The following GPHN variants were observed in gnomAD, a reference collection of about 807,000 sequenced individuals.
GPHN encodes the protein gephyrin.
GPHN carries 17 observed loss-of-function variants against 95.5 expected under a neutral mutation model. That is an observed-to-expected ratio of 0.18 (90% CI 0.12 to 0.27). The LOEUF is 0.27. Ranked by LOEUF, GPHN falls within the 10% of genes least tolerant of loss-of-function variation. The probability of loss-of-function intolerance (pLI) is 1.00; values close to 1 mark genes in which losing one functional copy is unlikely to be tolerated. For missense variants in GPHN, 660 were observed against 978.1 expected (o/e 0.67, Z 4.34); for synonymous variants, 320 against 322.5 (o/e 0.99, Z 0.08).
intron 12 of GPHN, among the ~76,000 whole-genome samples, chr14:67,099,033 G>A (rs2077547678): frequency 6.6e-6 from 1 of 152,100 alleles, no homozygotes; most frequent in African/African-American, 2.4e-5. Flanking sequence ...GCAAAAATAA[G>A]TGGGGGGATA....
intron 1 of GPHN, among the ~76,000 whole-genome samples, chr14:66,539,846 G>A (rs2059290911): frequency 6.6e-6 from 1 of 152,098 alleles, no homozygotes; most frequent in African/African-American, 2.4e-5. Flanking sequence ...CCTAGGAAGG[G>A]CTCTTCTCTT....
At chr14:66,556,915 A>G (rs1268746675) in intron 1 of GPHN, among the ~76,000 whole-genome samples, 1 of 152,144 alleles carries the variant, frequency 6.6e-6, no homozygotes, top group African/African-American at 2.4e-5. Context: ...AAACAACCTG[A>G]TAGGCTGAGT....
chr14:67,561,823 T>C, the GPHN span: 3 of 684,258 alleles, frequency 4.4e-6, no homozygotes, highest in Admixed American at 2.6e-5. Context: ...TGAGCCAAAA[T>C]TGCTCCACTG....
chr14:66,957,029 G>C lies in GPHN; in HGVS notation c.829-8162G>C, dbSNP rs2068558273. On this transcript the variant is annotated intron_variant, in intron 8 of 22. Transcript: ENST00000478722. ...ACCTAATGCTAGATGACGAGATAGA[G>C]GGTGCAGCGCACCAGCATGGCACAT... Among the ~76,000 whole-genome samples the C allele has an allele frequency of 6.7e-5, 10 of 150,200 alleles. 1 individual carries two copies. The South Asian group carries it at 2.1e-3, about 32-fold the overall frequency.
the GPHN span, chr14:67,337,946 C>T: frequency 6.6e-6 from 1 of 152,180 alleles, no homozygotes; most frequent in Non-Finnish European, 1.5e-5. Context: ...TTGTAAAACT[C>T]TAATACATGG....
the GPHN span, chr14:67,555,777 C>T: frequency 1.2e-6 from 2 of 1,605,942 alleles, no homozygotes; most frequent in Non-Finnish European, 1.7e-6. Context: ...GCCGTGTTCA[C>T]AGTAGGGACA....
chr14:66,952,813 G>A (rs1855417911), intron 8 of GPHN, among the ~76,000 whole-genome samples: 1 of 152,104 alleles, frequency 6.6e-6, no homozygotes. Context: ...TCCTGCCTCA[G>A]CCTCTCAAGT....
At chr14:67,569,061 T>C in the GPHN span, 1 of 1,024,020 alleles carries the variant, frequency 9.8e-7, no homozygotes, top group Non-Finnish European at 1.5e-6. Context: ...AAAGCCATGC[T>C]TTTTCCTGCA....
chr14:67,486,637 T>C, the GPHN span, among the ~76,000 whole-genome samples: 2 of 152,166 alleles, frequency 1.3e-5, no homozygotes, highest in Admixed American at 6.5e-5. Context: ...CTACCAACCT[T>C]GTAATATGTG....
intron 2 of GPHN, among the ~76,000 whole-genome samples, chr14:66,769,667 TG>T (rs1291746750): frequency 6.6e-6 from 1 of 152,192 alleles, no homozygotes. Context: ...TGTTCTTTTT[TG>T]TGGCTGCATA....
chr14:66,924,512 C>T (rs888642006), intron 8 of GPHN, among the ~76,000 whole-genome samples: 2 of 152,156 alleles, frequency 1.3e-5, no homozygotes, highest in Admixed American at 6.5e-5. Context: ...AAGATTCTGT[C>T]ATTTGTGACA....
At chr14:67,727,723 C>G in the GPHN span, 15 of 181,384 alleles carry the variant, frequency 8.3e-5, no homozygotes, top group African/African-American at 3.6e-4. Context: ...CTCAGGTGAT[C>G]TGGCAGAAGA....
chr14:66,669,161 C>T (rs867709918), intron 1 of GPHN, among the ~76,000 whole-genome samples: 4 of 152,002 alleles, frequency 2.6e-5, no homozygotes, highest in South Asian at 4.2e-4. Context: ...GTCGGGAGTT[C>T]GAGGCCAGCC....
chr14:67,613,511 G>T, the GPHN span: 1 of 162,600 alleles, frequency 6.2e-6, no homozygotes, highest in Non-Finnish European at 1.4e-5. Context: ...TCAAGTGACA[G>T]AACGAGACCA....
chr14:66,558,547 G>T (rs181573519), intron 1 of GPHN, among the ~76,000 whole-genome samples: 3 of 152,076 alleles, frequency 2.0e-5, no homozygotes, highest in Non-Finnish European at 4.4e-5. Flanking sequence ...CATTCAATAA[G>T]TCTTTAATGT....
intron 3 of GPHN, among the ~76,000 whole-genome samples, chr14:66,821,612 G>C (rs928435220): frequency 2.0e-5 from 3 of 152,204 alleles, no homozygotes; most frequent in Non-Finnish European, 2.9e-5. Flanking sequence ...TAATGAATCA[G>C]ATGCATGACA....
At chr14:66,965,168 C>T in intron 8 of GPHN, 23 bp from the exon 9 acceptor site, 2 of 1,603,882 alleles carry the variant, frequency 1.2e-6, no homozygotes, top group South Asian at 1.1e-5. Context: ...GAATATTAAA[C>T]CATAGTTGTT....
chr14:67,644,202 T>C, the GPHN span, among the ~76,000 whole-genome samples: 1 of 152,224 alleles, frequency 6.6e-6, no homozygotes, highest in Non-Finnish European at 1.5e-5. Context: ...CTTGAATAGC[T>C]GTTGAACATT....
At chr14:66,626,711 C>A (rs1290293179) in intron 1 of GPHN, among the ~76,000 whole-genome samples, 1 of 151,958 alleles carries the variant, frequency 6.6e-6, no homozygotes, top group Non-Finnish European at 1.5e-5. Flanking sequence ...TCTATGAATG[C>A]CATACCATAA....
Sources: allele counts gnomAD v4.1 joint callset (sites outside exome capture counted in the v4.1 genomes callset), GRCh38; gene constraint gnomAD v4.1.1; transcripts MANE v1.5; gene names NCBI Gene and HGNC (gene_info 2026-07-23, HGNC 2026-07-21).